The following SEZ6L variants were observed in gnomAD, a reference collection of about 807,000 sequenced individuals.
SEZ6L encodes the protein seizure 6-like protein.
A neutral mutation model predicts 106.2 loss-of-function variants in SEZ6L; 37 were observed. The ratio of observed to expected loss-of-function variants is 0.35; its 90% CI spans 0.27 to 0.46. SEZ6L has a LOEUF of 0.46. Among genes scored for constraint, SEZ6L ranks in the 20% least tolerant of loss-of-function variants. The probability of loss-of-function intolerance (pLI) is 1.00; values close to 1 mark genes in which losing one functional copy is unlikely to be tolerated. For missense variants in SEZ6L, 1,172 were observed against 1,332.8 expected (o/e 0.88, Z 1.88); for synonymous variants, 541 against 570.4 (o/e 0.95, Z 0.73).
At chr22:26,295,497 A>C (rs936935380) in intron 3 of SEZ6L, among the ~76,000 whole-genome samples, 1 of 152,182 alleles carries the variant, frequency 6.6e-6, no homozygotes, top group African/African-American at 2.4e-5. Flanking sequence ...TCAGCAGTAG[A>C]ACCTGTAGTC....
chr22:26,363,205 C>T (rs1171636033), intron 12 of SEZ6L, among the ~76,000 whole-genome samples: 1 of 152,194 alleles, frequency 6.6e-6, no homozygotes, highest in African/African-American at 2.4e-5. Flanking sequence ...TTTGAAATCT[C>T]CTAATCTGTG....
intron 10 of SEZ6L, among the ~76,000 whole-genome samples, chr22:26,346,373 T>C (rs1343305325): frequency 2.0e-5 from 3 of 152,230 alleles, no homozygotes; most frequent in African/African-American, 7.2e-5. Context: ...TTATTTCTCT[T>C]AATGCATATT....
chr22:26,229,261 T>C (rs914981759), intron 1 of SEZ6L, among the ~76,000 whole-genome samples: 1 of 152,190 alleles, frequency 6.6e-6, no homozygotes, highest in Admixed American at 6.5e-5. Flanking sequence ...TCTCCCCGGG[T>C]GCTGGGATTA....
chr22:26,304,952 G>A (rs551942816), intron 5 of SEZ6L, among the ~76,000 whole-genome samples: 15 of 152,230 alleles, frequency 9.9e-5, no homozygotes, highest in African/African-American at 2.9e-4. Flanking sequence ...GTATGTACAC[G>A]AGCCTTGATG....
At chr22:26,308,166 G>GA (rs1217930801) in intron 6 of SEZ6L, among the ~76,000 whole-genome samples, 1 of 152,084 alleles carries the variant, frequency 6.6e-6, no homozygotes, top group Non-Finnish European at 1.5e-5. Context: ...TCAGTTGCAA[G>GA]AACTCAGAGC....
At chr22:26,283,922 T>C (rs1282958409) in intron 1 of SEZ6L, among the ~76,000 whole-genome samples, 1 of 152,226 alleles carries the variant, frequency 6.6e-6, no homozygotes, top group Non-Finnish European at 1.5e-5. Context: ...CTCTTTTTGA[T>C]TGACTGAAAT....
At chr22:26,231,563 G>A (rs763339787) in intron 1 of SEZ6L, among the ~76,000 whole-genome samples, 12 of 152,308 alleles carry the variant, frequency 7.9e-5, no homozygotes, top group Middle Eastern at 6.8e-3. Flanking sequence ...AGAGTTTGCA[G>A]TAGGGGATGC....
At chr22:26,213,277 C>T (rs1257127210) in intron 1 of SEZ6L, among the ~76,000 whole-genome samples, 1 of 152,022 alleles carries the variant, frequency 6.6e-6, no homozygotes, top group Non-Finnish European at 1.5e-5. Flanking sequence ...CATTAGAGAC[C>T]TAATACAAGG....
At chr22:26,332,562 T>A (rs958891258) in intron 9 of SEZ6L, among the ~76,000 whole-genome samples, 12 of 152,058 alleles carry the variant, frequency 7.9e-5, no homozygotes, top group African/African-American at 2.9e-4. Context: ...TCTTCCCACC[T>A]CAGCCTCCTG....
At chr22:26,310,918 C>T in intron 7 of SEZ6L, 82 bp downstream of exon 7, 1 of 1,419,712 alleles carries the variant, frequency 7.0e-7, no homozygotes. Flanking sequence ...AGATAGAAAT[C>T]TGGGCTGCGA....
Position 26,208,848 on chromosome 22 carries a change from CTCTGTGTG to C in SEZ6L, c.94+39087_94+39094del, listed in dbSNP as rs771533055. 8.6e-3 allele frequency among the ~76,000 whole-genome samples: 917 copies of C among 106,736 alleles called. 10 individuals carry two copies. The highest frequency in any genetic ancestry group is 0.031 in the African/African-American group (731 of 23,666). 70.0% of individuals were successfully genotyped at this position (106,736 alleles called of 152,430 possible). A position where few individuals can be genotyped will look rare whatever the true frequency, so the allele number is the denominator to read the frequency against. Reference sequence around the variant, plus strand: ...GTTTTTTTCTACTTCTTGACTCTCTCTCTGTGTGTGTGTGTGTGTGTGTGTGTGTGTGT... The same window carrying C: ...GTTTTTTTCTACTTCTTGACTCTCTCTGTGTGTGTGTGTGTGTGTGTGTGT... On this transcript the variant is annotated intron_variant, in intron 1 of 16. Transcript: ENST00000248933.
intron 1 of SEZ6L, among the ~76,000 whole-genome samples, chr22:26,170,601 C>A (rs1366401815): frequency 1.3e-5 from 2 of 152,090 alleles, no homozygotes; most frequent in African/African-American, 2.4e-5. Context: ...CTCTCCACCC[C>A]GGTAAGGTAC....
intron 1 of SEZ6L, among the ~76,000 whole-genome samples, chr22:26,251,254 T>C (rs1394949153): frequency 6.6e-6 from 1 of 152,204 alleles, no homozygotes; most frequent in Non-Finnish European, 1.5e-5. Context: ...CTTTTATCCA[T>C]TCATTATGAT....
chr22:26,220,955 A>AT (rs2078451338), intron 1 of SEZ6L, among the ~76,000 whole-genome samples: 1 of 151,060 alleles, frequency 6.6e-6, no homozygotes, highest in African/African-American at 2.4e-5. Context: ...TGAGTGGTTG[A>AT]TTGGAGGGAA....
At chr22:26,319,263 T>C (rs185820254) in intron 9 of SEZ6L, among the ~76,000 whole-genome samples, 48 of 152,278 alleles carry the variant, frequency 3.2e-4, no homozygotes, top group Admixed American at 2.1e-3. Flanking sequence ...CACCACTGCG[T>C]CTTCCCAGGG....
chr22:26,255,348 C>A (rs917103191), intron 1 of SEZ6L, among the ~76,000 whole-genome samples: 1 of 152,324 alleles, frequency 6.6e-6, no homozygotes, highest in African/African-American at 2.4e-5. Flanking sequence ...ATCACCAAAG[C>A]TTTCCTATCT....
At chr22:26,283,785 A>AG in intron 1 of SEZ6L, among the ~76,000 whole-genome samples, 1 of 152,178 alleles carries the variant, frequency 6.6e-6, no homozygotes, top group East Asian at 1.9e-4. Context: ...AGTTCATTCC[A>AG]GGGGGTGGAG....
intron 13 of SEZ6L, among the ~76,000 whole-genome samples, chr22:26,371,138 C>T (rs2084021684): frequency 6.6e-6 from 1 of 152,090 alleles, no homozygotes; most frequent in South Asian, 2.1e-4. Flanking sequence ...TTCCCCAGTG[C>T]ATTCAGCCCT....
chr22:26,179,038 G>C (rs1426403730), intron 1 of SEZ6L, among the ~76,000 whole-genome samples: 1 of 152,058 alleles, frequency 6.6e-6, no homozygotes, highest in African/African-American at 2.4e-5. Flanking sequence ...TGGGGCTTTG[G>C]GGAATTGATT....
Sources: gnomAD v4.1 joint callset for allele counts (sites outside exome capture counted in the v4.1 genomes callset) on GRCh38, gnomAD v4.1.1 for gene constraint, MANE v1.5 for transcripts, NCBI Gene and HGNC (gene_info 2026-07-23, HGNC 2026-07-21) for gene names.